Variants in PTGFRN observed in about 807,000 individuals in gnomAD.
PTGFRN encodes prostaglandin F2 receptor inhibitor, also known as prostaglandin F2 receptor negative regulator.
A neutral mutation model predicts 83.2 loss-of-function variants in PTGFRN; 35 were observed. The ratio of observed to expected loss-of-function variants is 0.42; its 90% confidence interval spans 0.32 to 0.56. The LOEUF (loss-of-function observed/expected upper bound fraction) is 0.56. Among genes scored for constraint, PTGFRN ranks in the 20% least tolerant of loss-of-function variants. The pLI is 0.11. For missense variants in PTGFRN, 1,051 were observed against 1,179.5 expected, an observed-to-expected ratio of 0.89 and a Z score of 1.60; for synonymous variants, 519 against 498.6, an observed-to-expected ratio of 1.04 and a Z score of -0.55.
intron 5 of PTGFRN, among the ~76,000 whole-genome samples, chr1:116,963,571 G>A (rs1650734197): frequency 1.3e-5 from 2 of 151,988 alleles, no homozygotes; most frequent in Non-Finnish European, 2.9e-5. Context: ...TTTAAGAGGG[G>A]GTGGGGAGTG....
At position 116,923,010 on chromosome 1, in the gene PTGFRN, C is replaced by T. The variant is rs1649575270; in HGVS notation, c.49+12758C>T. 6.6e-6 allele frequency among the ~76,000 whole-genome samples: 1 copy of T among 152,164 alleles called. No homozygotes were observed. Among genetic ancestry groups the T allele is most frequent in the Admixed American group, 6.5e-5 (1 of 15,284 alleles). On this transcript the variant is annotated intron_variant, in intron 1 of 8. Coordinates refer to ENST00000393203, the MANE Select transcript of PTGFRN (RefSeq NM_020440.4). This position sits in a 1 kb window ranked among gnomAD's most constrained non-coding sequence, Gnocchi z 4.0. ...GAGCGCTGCCGCCTACAGCATGGGC[C>T]AGCCTGCGTCAGCTCTTGGTGATGG... is the stretch of plus-strand genomic sequence containing the variant.
At chr1:116,955,990 AG>A (rs1650476150) in intron 4 of PTGFRN, among the ~76,000 whole-genome samples, 1 of 152,236 alleles carries the variant, frequency 6.6e-6, no homozygotes, top group South Asian at 2.1e-4. Context: ...TACACAGAAG[AG>A]GTATGTGCAT....
intron 6 of PTGFRN, among the ~76,000 whole-genome samples, chr1:116,973,045 G>C (rs370418716): frequency 2.6e-4 from 40 of 152,074 alleles, no homozygotes; most frequent in African/African-American, 9.6e-4. Context: ...TCCTACCTCA[G>C]TCACCTGAGT....
chr1:116,963,609 G>A (rs1410793974), intron 5 of PTGFRN, among the ~76,000 whole-genome samples: 2 of 151,942 alleles, frequency 1.3e-5, no homozygotes, highest in Non-Finnish European at 2.9e-5. Context: ...TGTTGTTTTA[G>A]TTTTGTTTTG....
At chr1:116,984,230 A>G (rs966226581) in intron 7 of PTGFRN, among the ~76,000 whole-genome samples, 1 of 152,028 alleles carries the variant, frequency 6.6e-6, no homozygotes, top group Admixed American at 6.5e-5. Context: ...GTGTCCTTCC[A>G]GTCTTGGGTT....
At chr1:116,969,691 T>C (rs1379319559) in intron 6 of PTGFRN, among the ~76,000 whole-genome samples, 1 of 152,338 alleles carries the variant, frequency 6.6e-6, no homozygotes, top group African/African-American at 2.4e-5. Flanking sequence ...TTGGAAAGCA[T>C]TGCCATTTAA....
intron 4 of PTGFRN, among the ~76,000 whole-genome samples, chr1:116,951,078 C>T (rs764467348): frequency 1.9e-4 from 29 of 152,140 alleles, no homozygotes; most frequent in South Asian, 6.2e-4. Context: ...TCTCCGTACC[C>T]GCTCCCCCTT....
At chr1:116,981,151 C>T (rs1158252509) in intron 7 of PTGFRN, among the ~76,000 whole-genome samples, 4 of 152,150 alleles carry the variant, frequency 2.6e-5, no homozygotes, top group African/African-American at 9.7e-5. Context: ...GTTGATGTCC[C>T]TCTCTCACTC....
chr1:116,988,621 T>G lies in PTGFRN; in HGVS notation c.*1654T>G, dbSNP rs1651594767. The G allele has an allele frequency of 6.5e-6, 1 of 152,834 alleles. No homozygotes were observed. The allele number at this position is 152,834 out of a possible 1,614,324, so 9.5% of individuals were successfully genotyped here. On this transcript the variant is annotated 3_prime_UTR_variant, in exon 9 of 9. Transcript: ENST00000393203. ...AAAATGATGGCCATTCATGTGCAGC[T>G]CTTTGTCACCATGGGCCGGATGAGT... is the stretch of plus-strand genomic sequence containing the variant.
intron 7 of PTGFRN, among the ~76,000 whole-genome samples, chr1:116,980,498 A>T (rs1346045098): frequency 6.6e-6 from 1 of 152,260 alleles, no homozygotes; most frequent in Non-Finnish European, 1.5e-5. Flanking sequence ...AATGTGGCAC[A>T]TATACACCAT....
chr1:116,926,852 T>G (rs1270785908), intron 1 of PTGFRN, among the ~76,000 whole-genome samples: 1 of 152,128 alleles, frequency 6.6e-6, no homozygotes, highest in African/African-American at 2.4e-5. Context: ...TGGAAGGAGT[T>G]GGAGAAGTGA....
chr1:116,915,138 T>G (rs1164984589), intron 1 of PTGFRN, among the ~76,000 whole-genome samples: 14 of 152,236 alleles, frequency 9.2e-5, no homozygotes, highest in Admixed American at 9.2e-4. Context: ...AGTTTACTAA[T>G]GTTCGCTAAA....
chr1:116,970,729 C>T (rs143470881), intron 6 of PTGFRN, among the ~76,000 whole-genome samples: 58 of 152,320 alleles, frequency 3.8e-4, no homozygotes, highest in Middle Eastern at 3.4e-3. Context: ...CAGAACAATA[C>T]TATAGCCCTG....
At chr1:116,935,446 C>T (rs1196210769) in intron 1 of PTGFRN, among the ~76,000 whole-genome samples, 2 of 147,190 alleles carry the variant, frequency 1.4e-5, no homozygotes, top group Non-Finnish European at 1.5e-5. Flanking sequence ...ATTCAGTTAG[C>T]TTTTATCTAT....
At chr1:116,934,836 A>G (rs183580448) in intron 1 of PTGFRN, among the ~76,000 whole-genome samples, 1 of 152,330 alleles carries the variant, frequency 6.6e-6, no homozygotes, top group Non-Finnish European at 1.5e-5. Flanking sequence ...GAGTAAGAGA[A>G]GCTCATCTTT....
rs187332666 is a variant in PTGFRN at position 116,981,882 on chromosome 1, C to T, written c.2168-2798C>T. On this transcript the variant is annotated intron_variant, in intron 7 of 8. Transcript: ENST00000393203. ...TAGTTGATTGAACCAAAATTGGCTC[C>T]AGTAGGGAAGGTGAACATGGCTGAT... is the stretch of plus-strand genomic sequence containing the variant. Among the ~76,000 whole-genome samples, 4 of 152,292 alleles carry T rather than the reference C, an allele frequency of 2.6e-5. No homozygotes were observed. The East Asian group carries it at 7.7e-4, about 29-fold the overall frequency.
At chr1:116,979,023 C>A (rs1169675417) in intron 7 of PTGFRN, among the ~76,000 whole-genome samples, 3 of 152,188 alleles carry the variant, frequency 2.0e-5, no homozygotes, top group Non-Finnish European at 4.4e-5. Flanking sequence ...TCAGCAAAGT[C>A]TCAGGATACA....
chr1:116,938,173 G>A (rs546244657), intron 1 of PTGFRN, among the ~76,000 whole-genome samples: 37 of 152,292 alleles, frequency 2.4e-4, no homozygotes, highest in South Asian at 8.3e-4. Context: ...TTATTTCAAC[G>A]TTCTTTGAGT....
chr1:116,962,374 A>G (rs1467440917), intron 5 of PTGFRN: 2 of 152,210 alleles, frequency 1.3e-5, no homozygotes, highest in Non-Finnish European at 2.9e-5. Flanking sequence ...GCTTTGTCCC[A>G]CCAGAAATTC....
Sources: gnomAD v4.1 joint callset for allele counts (sites outside exome capture counted in the v4.1 genomes callset) on GRCh38, gnomAD v4.1.1 for gene constraint, Gnocchi (gnomAD v3.1) non-coding constraint, MANE v1.5 for transcripts, NCBI Gene and HGNC (gene_info 2026-07-23, HGNC 2026-07-21) for gene names.